The following ACTR3C variants were observed in gnomAD, a reference collection of about 807,000 sequenced individuals.
ACTR3C encodes actin related protein 3C, also known as actin-related protein 3C.
ACTR3C carries 18 observed loss-of-function variants against 26.3 expected under a neutral mutation model. The ratio of observed to expected loss-of-function variants is 0.68; its 90% CI spans 0.47 to 1.01. The LOEUF (loss-of-function observed/expected upper bound fraction) is 1.01, where lower values mean the gene tolerates loss of function less well. ACTR3C is among the 50% of genes least tolerant of loss of function. ACTR3C has a pLI of 0.00. For synonymous variants in ACTR3C, 55 were observed against 94.5 expected (o/e 0.58, Z 2.42); for missense variants, 184 against 250.7 (o/e 0.73, Z 1.80).
chr7:150,058,500 AAG>A, the ACTR3C span, among the ~76,000 whole-genome samples: 1 of 152,192 alleles, frequency 6.6e-6, no homozygotes, highest in Non-Finnish European at 1.5e-5. Context: ...TCTCTCTGGT[AAG>A]AGAGAGTGGT....
chr7:150,029,189 T>C, the ACTR3C span, among the ~76,000 whole-genome samples: 1 of 152,030 alleles, frequency 6.6e-6, no homozygotes, highest in Non-Finnish European at 1.5e-5. Flanking sequence ...AAGGGCATCC[T>C]GCAGCTGCCC....
chr7:150,259,808 T>A (rs751577006), intron 6 of ACTR3C, among the ~76,000 whole-genome samples: 1 of 152,210 alleles, frequency 6.6e-6, no homozygotes, highest in Non-Finnish European at 1.5e-5. Flanking sequence ...GTGCCCCACC[T>A]GTCACCATAG....
chr7:150,258,103 CA>C (rs1409815479), intron 6 of ACTR3C, among the ~76,000 whole-genome samples: 3 of 152,026 alleles, frequency 2.0e-5, no homozygotes, highest in African/African-American at 7.3e-5. Context: ...TGCTGCTTAA[CA>C]TCTATAACTA....
the ACTR3C span, among the ~76,000 whole-genome samples, chr7:150,134,429 T>C: frequency 6.6e-6 from 1 of 152,152 alleles, no homozygotes; most frequent in East Asian, 1.9e-4. Context: ...CCTGCAAGGG[T>C]GAGGATGCGT....
In ACTR3C at chr7:150,286,419, A is replaced by G; in HGVS notation, c.419T>C (p.Ile140Thr). 2 of 1,613,834 alleles carry G rather than the reference A, an allele frequency of 1.2e-6. No homozygotes were observed. The highest frequency in any genetic ancestry group is 2.2e-5 in the East Asian group (1 of 44,880). The change falls in exon 5 of 8, where the codon ATA becomes ACA. Residue 140 changes from isoleucine (I) to threonine (T), a missense_variant. By Grantham distance (89) the Ile-to-Thr change is moderately conservative. Coordinates refer to ENST00000683684, the MANE Select transcript of ACTR3C (RefSeq NM_001164458.2). ...INAINQKKFVIDVGYERFLGP... is the reference protein window; with the variant it reads ...INAINQKKFVTDVGYERFLGP... ...CAGGAATCTTTCGTAACCAACGTCT[A>G]TAACAAACTTCTTCTGGTTGATCGC...
At chr7:150,301,191 G>T (rs1795418821) in intron 1 of ACTR3C, among the ~76,000 whole-genome samples, 1 of 152,276 alleles carries the variant, frequency 6.6e-6, no homozygotes, top group Non-Finnish European at 1.5e-5. Context: ...TCTTGAATAG[G>T]AACCCAAGCA....
At chr7:150,186,243 A>G in the ACTR3C span, among the ~76,000 whole-genome samples, 1 of 152,222 alleles carries the variant, frequency 6.6e-6, no homozygotes, top group East Asian at 1.9e-4. Context: ...GTCCTCATCA[A>G]TGCCTCCCTG....
At chr7:150,126,040 T>G in the ACTR3C span, among the ~76,000 whole-genome samples, 2 of 151,894 alleles carry the variant, frequency 1.3e-5, no homozygotes, top group African/African-American at 4.8e-5. Flanking sequence ...TGCACCAGAG[T>G]CTCTCTGATG....
chr7:150,306,090 G>A (rs1025681989), intron 1 of ACTR3C, among the ~76,000 whole-genome samples: 2 of 152,146 alleles, frequency 1.3e-5, no homozygotes, highest in African/African-American at 4.8e-5. Context: ...CATGTAATAC[G>A]ATATTTTCTT....
At chr7:150,157,773 A>C in the ACTR3C span, among the ~76,000 whole-genome samples, 5,424 of 152,258 alleles carry the variant, frequency 0.036, 343 homozygotes, top group African/African-American at 0.12. Context: ...GAACTGCTTG[A>C]GGGAAAACAT....
At chr7:149,938,489 T>C in the ACTR3C span, among the ~76,000 whole-genome samples, 2 of 151,934 alleles carry the variant, frequency 1.3e-5, no homozygotes, top group African/African-American at 4.8e-5. Context: ...AGCAATTAAA[T>C]GAATGGTAGC....
chr7:150,059,571 T>C, the ACTR3C span, among the ~76,000 whole-genome samples: 1 of 152,100 alleles, frequency 6.6e-6, no homozygotes, highest in East Asian at 1.9e-4. Flanking sequence ...AGGAGGAGTA[T>C]GAGTCTGAAA....
At chr7:149,884,028 C>T in the ACTR3C span, among the ~76,000 whole-genome samples, 1 of 152,144 alleles carries the variant, frequency 6.6e-6, no homozygotes, top group Non-Finnish European at 1.5e-5. Context: ...TCCTGCTGGC[C>T]ATAGGGTCCA....
the ACTR3C span, among the ~76,000 whole-genome samples, chr7:150,042,094 CGCGGGGG>C: frequency 1.2e-5 from 1 of 86,286 alleles, no homozygotes; most frequent in Non-Finnish European, 2.4e-5. Context: ...GTCCCTGCCT[CGCGGGGG>C]GTGCCTCCCC....
chr7:150,047,850 G>T, the ACTR3C span: 15 of 1,506,850 alleles, frequency 1.0e-5, no homozygotes, highest in South Asian at 1.8e-4. Context: ...GTACAGCGAA[G>T]CCATCGGGCA....
chr7:150,135,227 G>A, the ACTR3C span, among the ~76,000 whole-genome samples: 129 of 152,322 alleles, frequency 8.5e-4, no homozygotes, highest in Non-Finnish European at 1.5e-3. Context: ...AGCTGAGATC[G>A]CGCCACTGCG....
chr7:149,900,269 G>A, the ACTR3C span, among the ~76,000 whole-genome samples: 41 of 152,006 alleles, frequency 2.7e-4, no homozygotes, highest in South Asian at 6.1e-3. Flanking sequence ...TCCACCTCCC[G>A]GGTTTAAGCG....
At chr7:150,278,680 A>G (rs1415353805) in intron 6 of ACTR3C, among the ~76,000 whole-genome samples, 1 of 152,250 alleles carries the variant, frequency 6.6e-6, no homozygotes, top group Non-Finnish European at 1.5e-5. Context: ...GTCAATGTCC[A>G]ATTTCCAGTT....
the ACTR3C span, among the ~76,000 whole-genome samples, chr7:150,125,317 C>T: frequency 6.7e-6 from 1 of 150,304 alleles, no homozygotes; most frequent in African/African-American, 2.4e-5. Context: ...TGCCTTAATT[C>T]CCTGTAGACC....
Sources: gnomAD v4.1 joint callset for allele counts (sites outside exome capture counted in the v4.1 genomes callset) on GRCh38, gnomAD v4.1.1 for gene constraint, MANE v1.5 for transcripts, NCBI Gene and HGNC (gene_info 2026-07-23, HGNC 2026-07-21) for gene names.